PALM: variants seen among roughly 807,000 people sequenced by gnomAD.
PALM encodes the protein paralemmin-1.
PALM carries 18 observed loss-of-function variants against 30.7 expected under a neutral mutation model. The ratio of observed to expected loss-of-function variants is 0.59; its 90% confidence interval spans 0.41 to 0.87. The LOEUF (loss-of-function observed/expected upper bound fraction) is 0.87. Among genes scored for constraint, PALM ranks in the 40% least tolerant of loss-of-function variants. The pLI, the probability that PALM is intolerant of heterozygous loss-of-function variation, is 0.00. For missense variants in PALM, 529 were observed against 555.4 expected (o/e 0.95, Z 0.48); for synonymous variants, 286 against 242.8 (o/e 1.18, Z -1.66).
chr19:737,756 G>C (rs945272485), intron 7 of PALM, among the ~76,000 whole-genome samples: 2 of 152,302 alleles, frequency 1.3e-5, no homozygotes, highest in Admixed American at 6.5e-5. Context: ...GAACGGCCAG[G>C]AGATCCGTGT....
intron 4 of PALM, chr19:727,974 G>A (rs1220752566): frequency 5.5e-6 from 2 of 361,548 alleles, no homozygotes; most frequent in Non-Finnish European, 1.0e-5. Flanking sequence ...GTTTGAGCCA[G>A]CGAGGGACGT....
At chr19:744,206 C>T (rs192135892) in intron 8 of PALM, among the ~76,000 whole-genome samples, 735 of 152,108 alleles carry the variant, frequency 4.8e-3, no homozygotes, top group Non-Finnish European at 8.1e-3. Flanking sequence ...CGAGACCAGC[C>T]TGGCTAACAA....
intron 1 of PALM, among the ~76,000 whole-genome samples, chr19:714,920 G>A (rs111875554): frequency 0.095 from 14,391 of 152,166 alleles, 983 homozygotes; most frequent in East Asian, 0.18. Context: ...CTCCCAAAGC[G>A]CTGGGAGTAC....
chr19:711,820 A>G (rs1378338826), intron 1 of PALM, among the ~76,000 whole-genome samples: 3 of 151,930 alleles, frequency 2.0e-5, no homozygotes, highest in Non-Finnish European at 4.4e-5. Flanking sequence ...TCTTTTTTCC[A>G]TGTTGCCCAG....
chr19:714,777 A>G (rs1018201437), intron 1 of PALM, among the ~76,000 whole-genome samples: 3 of 152,058 alleles, frequency 2.0e-5, no homozygotes, highest in Non-Finnish European at 4.4e-5. Context: ...CCTCTTGAGT[A>G]GCTGGGACTA....
intron 1 of PALM, among the ~76,000 whole-genome samples, chr19:718,042 C>T (rs952224382): frequency 3.9e-5 from 6 of 152,110 alleles, no homozygotes; most frequent in Non-Finnish European, 5.9e-5. Context: ...ATTAGCCGGG[C>T]GTGGTGGCAT....
At position 742,007 on chromosome 19, in the gene PALM, C is replaced by T. The variant is rs778161409; in HGVS notation, c.634+1524C>T. On this transcript the variant is annotated intron_variant, in intron 8 of 8. Coordinates refer to ENST00000338448, the MANE Select transcript of PALM (RefSeq NM_002579.3). This position sits in a 1 kb window ranked among gnomAD's most constrained non-coding sequence, Gnocchi z 5.5. ...GACCACAGGCATGAGTCACTGCACC[C>T]GGCCTCTTTTTCTTTTATGAGATAT... Among the ~76,000 whole-genome samples, 9 of 152,160 alleles carry T rather than the reference C, an allele frequency of 5.9e-5. No homozygotes were observed. The highest frequency in any genetic ancestry group is 1.2e-4 in the Non-Finnish European group (8 of 68,036).
chr19:710,692 C>CG (rs34447677), intron 1 of PALM, among the ~76,000 whole-genome samples: 1 of 145,484 alleles, frequency 6.9e-6, no homozygotes, highest in Admixed American at 6.9e-5. Context: ...CACCTGGGGC[C>CG]GGGGGGCCTC....
In PALM at chr19:727,551, C is replaced by T. The variant is rs1273758060; in HGVS notation, c.139-13C>T. On this transcript the variant is annotated splice_polypyrimidine_tract_variant and intron_variant, in intron 3 of 8. Coordinates refer to ENST00000338448, the MANE Select transcript of PALM (RefSeq NM_002579.3). ...TCCTGCCCACGACTCTGACCTGGAT[C>T]CCTGCTGCTCAGTCCAAGGCACTGC... is the stretch of plus-strand genomic sequence containing the variant. 3 of 1,581,892 alleles carry T rather than the reference C, an allele frequency of 1.9e-6. No homozygotes were observed. The highest frequency in any genetic ancestry group is 1.2e-5 in the South Asian group (1 of 86,736).
At position 716,638 on chromosome 19, in the gene PALM, T is replaced by C. The variant is rs945885773; in HGVS notation, c.5+7487T>C. ...CCCCTGTCAGGGAGCGAGAAGCTGA[T>C]GTCCTCATCAGTTTGTATTCAAACG... On this transcript the variant is annotated intron_variant, in intron 1 of 8. Transcript: ENST00000338448. Among the ~76,000 whole-genome samples, 8 of 152,094 alleles carry C rather than the reference T, an allele frequency of 5.3e-5. No homozygotes were observed. The East Asian group carries it at 1.4e-3, about 26-fold the overall frequency.
chr19:711,336 C>T (rs1475192564), intron 1 of PALM: 3 of 260,472 alleles, frequency 1.2e-5, no homozygotes, highest in Non-Finnish European at 1.8e-5. Context: ...CTGGAGCAGC[C>T]ATTCTCCAGC....
chr19:733,872 G>A (rs886323220), intron 5 of PALM, among the ~76,000 whole-genome samples: 12 of 152,182 alleles, frequency 7.9e-5, no homozygotes, highest in Non-Finnish European at 1.8e-4. Context: ...TGTAACCCCA[G>A]CTACTGGGGA....
At chr19:726,300 G>A (rs1269834388) in intron 2 of PALM, 111 bp downstream of exon 2, 10 of 845,346 alleles carry the variant, frequency 1.2e-5, no homozygotes, top group Non-Finnish European at 1.5e-5. Context: ...ATGGTGGGTG[G>A]TGAGTTATTT....
At chr19:728,111 G>A (rs1055208887) in intron 4 of PALM, among the ~76,000 whole-genome samples, 2 of 152,176 alleles carry the variant, frequency 1.3e-5, no homozygotes, top group Non-Finnish European at 2.9e-5. Context: ...CCCAGCTGGC[G>A]GGCAAGCGCT....
At chr19:725,312 A>C (rs1482091526) in intron 1 of PALM, among the ~76,000 whole-genome samples, 4 of 145,186 alleles carry the variant, frequency 2.8e-5, no homozygotes, top group Non-Finnish European at 6.0e-5. Flanking sequence ...TAATCCCAGC[A>C]CTTTGGGAGG....
intron 3 of PALM, among the ~76,000 whole-genome samples, 198 bp downstream of exon 3, chr19:727,286 ACCTGAC>A (rs975350402): frequency 5.6e-5 from 7 of 125,880 alleles, no homozygotes; most frequent in Admixed American, 3.1e-4. Flanking sequence ...CCTGACCCCA[ACCTGAC>A]CCTGACCCCG....
intron 1 of PALM, among the ~76,000 whole-genome samples, chr19:718,174 T>C (rs1395866659): frequency 1.3e-5 from 2 of 151,666 alleles, no homozygotes; most frequent in Non-Finnish European, 2.9e-5. Flanking sequence ...AGAGGGAGAC[T>C]CCATCTCAAA....
chr19:715,816 C>T (rs1010301628), intron 1 of PALM, among the ~76,000 whole-genome samples: 3 of 152,102 alleles, frequency 2.0e-5, no homozygotes, highest in Admixed American at 6.6e-5. Flanking sequence ...CAGGACCCCA[C>T]GTCTAGGAGG....
intron 1 of PALM, chr19:722,545 T>C (rs1275874857): frequency 6.6e-6 from 1 of 152,246 alleles, no homozygotes; most frequent in African/African-American, 2.4e-5. Flanking sequence ...CTGATTCTCT[T>C]TTTGAGAAGC....
Sources: allele counts gnomAD v4.1 joint callset (sites outside exome capture counted in the v4.1 genomes callset), GRCh38; gene constraint gnomAD v4.1.1; non-coding constraint Gnocchi (gnomAD v3.1); transcripts MANE v1.5; gene names NCBI Gene and HGNC (gene_info 2026-07-23, HGNC 2026-07-21).